DPH6: variants seen among roughly 807,000 people sequenced by gnomAD.
The protein encoded by DPH6 is diphthine--ammonia ligase.
A neutral mutation model predicts 38.2 loss-of-function variants in DPH6; 33 were observed. The ratio of observed to expected loss-of-function variants is 0.86; its 90% CI spans 0.65 to 1.15. The LOEUF (loss-of-function observed/expected upper bound fraction) is 1.15. Among genes scored for constraint, DPH6 ranks in the 50% most tolerant of loss-of-function variants. DPH6 has a pLI of 0.00. For synonymous variants in DPH6, 108 were observed against 103.0 expected, an observed-to-expected ratio of 1.05 and a Z score of -0.30; for missense variants, 325 against 320.0, an observed-to-expected ratio of 1.02 and a Z score of -0.12.
downstream of DPH6, among the ~76,000 whole-genome samples, chr15:35,214,278 T>C (rs554805003): frequency 2.0e-5 from 3 of 152,260 alleles, no homozygotes; most frequent in Admixed American, 2.0e-4. Flanking sequence ...CTACTCTGAA[T>C]TTACTAAGAG....
At chr15:35,448,061 A>C (rs2053879937) in intron 5 of DPH6, among the ~76,000 whole-genome samples, 1 of 152,178 alleles carries the variant, frequency 6.6e-6, no homozygotes, top group African/African-American at 2.4e-5. Flanking sequence ...AGTAATAGGT[A>C]AAAGTGGTCT....
In DPH6 at chr15:35,401,068, A is replaced by T. The variant is rs533513531; in HGVS notation, c.567+9767T>A. The T allele has an allele frequency of 3.9e-4, 349 of 901,434 alleles. 1 individual carries two copies. The South Asian group carries it at 4.3e-3, about 11-fold the overall frequency. The allele number at this position is 901,434 out of a possible 1,614,324, so 55.8% of individuals were successfully genotyped here. On this transcript the variant is annotated intron_variant, in intron 6 of 8. Transcript: ENST00000256538. ...CACCTAAGAGATTATTTTCAACAGT[A>T]CAGAAAAATTGAAGAAAAGGGGCTT...
intron 3 of DPH6, chr15:35,489,248 T>A (rs1359969895): frequency 1.3e-6 from 1 of 773,972 alleles, no homozygotes; most frequent in Non-Finnish European, 1.6e-6. Context: ...TTTTTTACCA[T>A]GTGATCTGGG....
intron 3 of DPH6, among the ~76,000 whole-genome samples, chr15:35,498,777 C>CT (rs969202652): frequency 9.6e-4 from 146 of 151,926 alleles, no homozygotes; most frequent in African/African-American, 3.3e-3. Context: ...ATTCATATAG[C>CT]TTTTTTTACG....
intron 3 of DPH6, among the ~76,000 whole-genome samples, chr15:35,514,885 C>G (rs1450585887): frequency 1.3e-5 from 2 of 152,114 alleles, no homozygotes; most frequent in African/African-American, 4.8e-5. Context: ...CTTAGTAATA[C>G]TGGCCAGACA....
At chr15:35,285,507 C>A (rs986570725) in intron 3 of DPH6, among the ~76,000 whole-genome samples, 1 of 152,168 alleles carries the variant, frequency 6.6e-6, no homozygotes, top group Non-Finnish European at 1.5e-5. Flanking sequence ...TCCTCCCTGC[C>A]TTCCGCCATG....
rs10573455 is a variant in DPH6 at position 35,312,010 on chromosome 15, GAAAAAAA to G, written n.200+61504_200+61510del. On this transcript the variant is annotated intron_variant and non_coding_transcript_variant, in intron 3 of 3. Transcript: ENST00000560386. ...GAGTCTGAAGCCTGGTTAAGAAAAT[GAAAAAAA>G]AAAAAAAAAAAAAAATAGAACAGGA... 1.1e-3 allele frequency among the ~76,000 whole-genome samples: 112 copies of G among 102,136 alleles called. 2 individuals carry two copies. The highest frequency in any genetic ancestry group is 3.8e-3 in the African/African-American group (105 of 27,964). The allele number at this position is 102,136 out of a possible 152,430, so 67.0% of individuals were successfully genotyped here.
intron 3 of DPH6, among the ~76,000 whole-genome samples, chr15:35,360,343 C>T (rs1046904783): frequency 6.6e-6 from 1 of 152,164 alleles, no homozygotes; most frequent in Admixed American, 6.5e-5. Context: ...TCAGATGGGA[C>T]TACCTCTGGA....
chr15:35,272,607 G>C (rs1299446924), intron 3 of DPH6, among the ~76,000 whole-genome samples: 1 of 151,914 alleles, frequency 6.6e-6, no homozygotes, highest in African/African-American at 2.4e-5. Context: ...TGTGAGATCT[G>C]ATTGTTTAAA....
the DPH6 span, among the ~76,000 whole-genome samples, chr15:35,211,386 C>A: frequency 6.6e-6 from 1 of 152,100 alleles, no homozygotes; most frequent in Non-Finnish European, 1.5e-5. Context: ...TATGCAACTC[C>A]AAATCTGTCC....
At chr15:35,440,234 C>G (rs2053769505) in intron 5 of DPH6, among the ~76,000 whole-genome samples, 1 of 152,168 alleles carries the variant, frequency 6.6e-6, no homozygotes, top group Non-Finnish European at 1.5e-5. Flanking sequence ...CTGGAGGTTT[C>G]CTTTTTGGGA....
chr15:35,193,877 G>A, the DPH6 span, among the ~76,000 whole-genome samples: 1 of 152,142 alleles, frequency 6.6e-6, no homozygotes, highest in Non-Finnish European at 1.5e-5. Flanking sequence ...AGCATATTGT[G>A]AAAATGATAC....
At chr15:35,383,585 T>C (rs2052901261) in intron 6 of DPH6, among the ~76,000 whole-genome samples, 2 of 152,222 alleles carry the variant, frequency 1.3e-5, no homozygotes, top group African/African-American at 4.8e-5. Flanking sequence ...TATAAATGAA[T>C]AGGCACAATG....
chr15:35,520,807 A>G (rs2054913413), intron 3 of DPH6: 2 of 984,850 alleles, frequency 2.0e-6, no homozygotes, highest in Non-Finnish European at 2.4e-6. Context: ...CCACCATATC[A>G]CATATTGGAT....
intron 3 of DPH6, chr15:35,298,821 G>A (rs772524815): frequency 1.2e-4 from 128 of 1,075,318 alleles, no homozygotes; most frequent in Non-Finnish European, 1.7e-4. Context: ...CGTACACTGG[G>A]GGAGGAATGG....
intron 3 of DPH6, among the ~76,000 whole-genome samples, chr15:35,455,499 C>T (rs2053984712): frequency 6.6e-6 from 1 of 151,022 alleles, no homozygotes; most frequent in Admixed American, 6.6e-5. Flanking sequence ...CAAGTATGAT[C>T]AAGTTTGCAG....
At chr15:35,292,091 TA>T (rs1475878377) in intron 3 of DPH6, among the ~76,000 whole-genome samples, 1 of 152,090 alleles carries the variant, frequency 6.6e-6, no homozygotes, top group Non-Finnish European at 1.5e-5. Flanking sequence ...AGAAGTAGTG[TA>T]AAAAAATTAT....
intron 2 of DPH6, among the ~76,000 whole-genome samples, chr15:35,540,102 G>C (rs1289436327): frequency 6.6e-6 from 1 of 152,046 alleles, no homozygotes; most frequent in Non-Finnish European, 1.5e-5. Flanking sequence ...TCTGATGTTA[G>C]CATAATAAGT....
intron 3 of DPH6, among the ~76,000 whole-genome samples, chr15:35,527,554 G>A (rs1420517438): frequency 2.6e-5 from 4 of 152,092 alleles, no homozygotes; most frequent in African/African-American, 9.7e-5. Flanking sequence ...CTACAAGAGA[G>A]TTAAAATGTG....
Sources: allele counts gnomAD v4.1 joint callset (sites outside exome capture counted in the v4.1 genomes callset), GRCh38; gene constraint gnomAD v4.1.1; transcripts MANE v1.5; gene names NCBI Gene and HGNC (gene_info 2026-07-23, HGNC 2026-07-21).